Variants in LRRC49 observed in about 807,000 individuals in gnomAD.
The protein encoded by LRRC49 is leucine rich repeat containing 49, also known as leucine-rich repeat-containing protein 49.
In LRRC49, 50 loss-of-function variants were observed where a neutral mutation model predicts 83.3. That is an observed-to-expected ratio of 0.60 (90% CI 0.48 to 0.76). The LOEUF is 0.76. Ranked by LOEUF, LRRC49 falls within the 30% of genes least tolerant of loss-of-function variation. The probability of loss-of-function intolerance (pLI) is 0.00; values close to 1 mark genes in which losing one functional copy is unlikely to be tolerated. For missense variants in LRRC49, 704 were observed against 809.1 expected (o/e 0.87, Z 1.58); for synonymous variants, 286 against 283.3 (o/e 1.01, Z -0.10).
intron 1 of LRRC49, among the ~76,000 whole-genome samples, chr15:70,866,655 G>A (rs537758524): frequency 1.3e-5 from 2 of 152,284 alleles, no homozygotes; most frequent in South Asian, 2.1e-4. Context: ...TCTTCATGCA[G>A]TGACGGGATA....
rs2035615926 is a variant in LRRC49 at position 70,936,814 on chromosome 15, T to C, written c.765T>C (p.Asn255=). ...AACATCTCTTTCTCAGCTTTAACAATATATCTAGGTAAGTGGAAACTCCCA... is the reference window on the plus strand; with the variant it reads ...AACATCTCTTTCTCAGCTTTAACAACATATCTAGGTAAGTGGAAACTCCCA... ...CLQHLFLSFN[N]ISSFDSVSCL... Residue 255 remains asparagine, a synonymous_variant, in exon 8 of 16, where the codon AAT becomes AAC. Coordinates refer to ENST00000260382, the MANE Select transcript of LRRC49 (RefSeq NM_017691.5). 3 of 1,604,742 alleles carry C rather than the reference T, an allele frequency of 1.9e-6. No homozygotes were observed. The highest frequency in any genetic ancestry group is 2.2e-5 in the South Asian group (2 of 90,660).
intron 8 of LRRC49, among the ~76,000 whole-genome samples, chr15:70,962,852 G>A (rs2036652130): frequency 6.6e-6 from 1 of 152,066 alleles, no homozygotes; most frequent in Non-Finnish European, 1.5e-5. Flanking sequence ...ACAAATAGTT[G>A]AGTATGAAAA....
intron 8 of LRRC49, among the ~76,000 whole-genome samples, chr15:70,950,206 A>G (rs2036168251): frequency 6.6e-6 from 1 of 152,188 alleles, no homozygotes; most frequent in African/African-American, 2.4e-5. Flanking sequence ...TATTCAGTCC[A>G]TCGATGATGG....
intron 2 of LRRC49, among the ~76,000 whole-genome samples, chr15:70,877,147 C>A (rs1207084745): frequency 2.0e-5 from 3 of 152,124 alleles, no homozygotes. Flanking sequence ...TTTGTGAAGC[C>A]TACCTTAAGA....
At position 71,037,277 on chromosome 15, in the gene LRRC49, C is replaced by A. The variant is rs1049540091; in HGVS notation, c.1802C>A (p.Thr601Lys). The change falls in exon 15 of 16, where the codon ACA becomes AAA. Residue 601 changes from threonine (T) to lysine (K), a missense_variant. Thr to Lys is a moderately conservative substitution (Grantham distance 78). Coordinates refer to ENST00000260382, the MANE Select transcript of LRRC49 (RefSeq NM_017691.5). ...AGCAAAAGACTTGTAGGAGAAAACA[C>A]AAATCGTGCTACATTAAATTATACT... is the stretch of plus-strand genomic sequence containing the variant. ...NDSKRLVGENTNRATLNYTTR... is the reference protein window; with the variant it reads ...NDSKRLVGENKNRATLNYTTR... 2 of 1,608,942 alleles carry A rather than the reference C, an allele frequency of 1.2e-6. No individual in the cohort carries two copies. The highest frequency in any genetic ancestry group is 2.7e-5 in the African/African-American group (2 of 74,624).
chr15:70,915,433 C>T (rs1414878735), intron 6 of LRRC49, among the ~76,000 whole-genome samples: 2 of 152,078 alleles, frequency 1.3e-5, no homozygotes, highest in Non-Finnish European at 2.9e-5. Flanking sequence ...ACAATTGTCC[C>T]CCATAACTCT....
chr15:70,974,076 G>A (rs945519214), intron 9 of LRRC49, among the ~76,000 whole-genome samples: 4 of 151,996 alleles, frequency 2.6e-5, no homozygotes, highest in Non-Finnish European at 5.9e-5. Flanking sequence ...GCGGTGAGCC[G>A]AGATCGCGCC....
intron 5 of LRRC49, among the ~76,000 whole-genome samples, chr15:70,909,303 A>T (rs2034449959): frequency 6.6e-6 from 1 of 152,206 alleles, no homozygotes; most frequent in African/African-American, 2.4e-5. Flanking sequence ...GGAGAGTAAG[A>T]GGAACTCATA....
intron 8 of LRRC49, among the ~76,000 whole-genome samples, chr15:70,949,106 A>G (rs2036117720): frequency 6.6e-6 from 1 of 152,190 alleles, no homozygotes; most frequent in Admixed American, 6.5e-5. Flanking sequence ...CCATTTTAAA[A>G]CATAGAGGCC....
At chr15:70,974,316 T>A (rs1219786628) in intron 9 of LRRC49, among the ~76,000 whole-genome samples, 1 of 152,164 alleles carries the variant, frequency 6.6e-6, no homozygotes, top group Non-Finnish European at 1.5e-5. Flanking sequence ...AAGCAAAGCA[T>A]TTGGCAAAGT....
chr15:70,911,631 T>C, intron 6 of LRRC49, 33 bp downstream of exon 6: 1 of 1,326,542 alleles, frequency 7.5e-7, no homozygotes. Flanking sequence ...CTTTCTTTTT[T>C]GAAAAAAAGT....
chr15:70,938,067 C>T (rs796696172), intron 8 of LRRC49, among the ~76,000 whole-genome samples: 3 of 152,090 alleles, frequency 2.0e-5, no homozygotes, highest in African/African-American at 7.2e-5. Context: ...TTTTAGATTC[C>T]CCCAACCTGT....
chr15:70,889,126 A>G (rs573480522), upstream of LRRC49, among the ~76,000 whole-genome samples: 1 of 152,338 alleles, frequency 6.6e-6, no homozygotes, highest in East Asian at 1.9e-4. Flanking sequence ...GGACCAAAAC[A>G]CATATACAAG....
chr15:70,938,154 G>A (rs1029670964), intron 8 of LRRC49, among the ~76,000 whole-genome samples: 1 of 151,946 alleles, frequency 6.6e-6, no homozygotes, highest in Admixed American at 6.6e-5. Flanking sequence ...GTTATATAGG[G>A]GTTATGATGT....
chr15:70,981,185 A>G (rs2037382773), intron 10 of LRRC49, among the ~76,000 whole-genome samples: 2 of 152,072 alleles, frequency 1.3e-5, no homozygotes, highest in Non-Finnish European at 2.9e-5. Context: ...TGCTCGTGCA[A>G]CTCTACATAT....
chr15:71,008,738 T>C, intron 12 of LRRC49, 122 bp downstream of exon 12: 1 of 662,932 alleles, frequency 1.5e-6, no homozygotes, highest in Non-Finnish European at 2.5e-6. Context: ...ATTTAAGTTT[T>C]GTGTTGATTT....
At chr15:71,048,493 A>T (rs181429983) in intron 15 of LRRC49, among the ~76,000 whole-genome samples, 7 of 151,984 alleles carry the variant, frequency 4.6e-5, no homozygotes, top group Non-Finnish European at 1.5e-5. Context: ...CTAGTAGTTA[A>T]ATGTATTGTC....
intron 2 of LRRC49, among the ~76,000 whole-genome samples, chr15:70,893,998 G>A (rs997617718): frequency 2.6e-5 from 4 of 151,774 alleles, no homozygotes; most frequent in East Asian, 3.9e-4. Flanking sequence ...AGGCTCAAGC[G>A]ATCCTCCCAC....
intron 9 of LRRC49, among the ~76,000 whole-genome samples, chr15:70,971,258 AGGTT>A (rs2036987232): frequency 6.6e-6 from 1 of 152,190 alleles, no homozygotes; most frequent in Non-Finnish European, 1.5e-5. Context: ...ATTCAGGAGC[AGGTT>A]GTTCAGTTTC....
Sources: gnomAD v4.1 joint callset for allele counts (sites outside exome capture counted in the v4.1 genomes callset) on GRCh38, gnomAD v4.1.1 for gene constraint, MANE v1.5 for transcripts, NCBI Gene and HGNC (gene_info 2026-07-23, HGNC 2026-07-21) for gene names.